The following TAFA1 variants were observed in gnomAD, a reference collection of about 807,000 sequenced individuals.
TAFA1 encodes the protein chemokine-like protein TAFA-1.
In TAFA1, 4 loss-of-function variants were observed where a neutral mutation model predicts 18.5. That is an observed-to-expected ratio of 0.22 (90% CI 0.11 to 0.49). The LOEUF is 0.49. Among genes scored for constraint, TAFA1 ranks in the 20% least tolerant of loss-of-function variants. TAFA1 has a pLI of 0.98. For synonymous variants in TAFA1, 56 were observed against 55.2 expected (o/e 1.01, Z -0.06); for missense variants, 147 against 169.0 (o/e 0.87, Z 0.72).
intron 3 of TAFA1, 48 bp from the exon 4 acceptor site, chr3:68,538,707 AG>A (rs1559711122): frequency 6.2e-7 from 1 of 1,604,126 alleles, no homozygotes; most frequent in Non-Finnish European, 8.5e-7. Context: ...GTCAGTGTTC[AG>A]GTTGTTTGGA....
intron 2 of TAFA1, among the ~76,000 whole-genome samples, chr3:68,178,001 T>C (rs1289137713): frequency 6.6e-6 from 1 of 151,912 alleles, no homozygotes; most frequent in Admixed American, 6.6e-5. Context: ...AAAATTAGCC[T>C]GGTGTGGTGG....
chr3:68,242,465 T>A (rs941658042), intron 2 of TAFA1, among the ~76,000 whole-genome samples: 8 of 152,162 alleles, frequency 5.3e-5, no homozygotes, highest in Admixed American at 2.0e-4. Context: ...AGTGTCTAAA[T>A]TAATGAGGTT....
intron 2 of TAFA1, among the ~76,000 whole-genome samples, chr3:68,120,238 T>TTTC: frequency 7.4e-6 from 1 of 134,480 alleles, no homozygotes; most frequent in East Asian, 2.1e-4. Context: ...TCTTTCTTTC[T>TTTC]TTCTTTCTTT....
chr3:68,057,503 T>C (rs150678127), intron 2 of TAFA1, among the ~76,000 whole-genome samples: 71 of 152,364 alleles, frequency 4.7e-4, no homozygotes, highest in Middle Eastern at 3.4e-3. Context: ...CCTTTCCCTT[T>C]TTATACATTA....
chr3:68,092,776 G>A (rs972364776), intron 2 of TAFA1, among the ~76,000 whole-genome samples: 6 of 152,024 alleles, frequency 3.9e-5, no homozygotes, highest in Non-Finnish European at 7.4e-5. Flanking sequence ...CTCCCCAAAT[G>A]TACCAAAATA....
chr3:68,209,464 T>C (rs1006377842), intron 2 of TAFA1, among the ~76,000 whole-genome samples: 2 of 152,056 alleles, frequency 1.3e-5, no homozygotes, highest in Non-Finnish European at 2.9e-5. Context: ...GAAAGCAACA[T>C]AGAAATGTTG....
At chr3:68,475,001 C>T (rs976500339) in intron 3 of TAFA1, among the ~76,000 whole-genome samples, 6 of 151,632 alleles carry the variant, frequency 4.0e-5, no homozygotes, top group Non-Finnish European at 5.9e-5. Context: ...TAGCTAAGAT[C>T]GTACTTCTTT....
At chr3:68,301,709 A>G in intron 2 of TAFA1, among the ~76,000 whole-genome samples, 1 of 152,214 alleles carries the variant, frequency 6.6e-6, no homozygotes, top group East Asian at 1.9e-4. Context: ...TAACTGAGTT[A>G]AAAACTAGCA....
intron 2 of TAFA1, among the ~76,000 whole-genome samples, chr3:68,358,037 C>T (rs562264694): frequency 2.0e-5 from 3 of 152,018 alleles, no homozygotes; most frequent in African/African-American, 7.2e-5. Flanking sequence ...AATGGATTAT[C>T]AGCAGATTGT....
intron 3 of TAFA1, among the ~76,000 whole-genome samples, chr3:68,468,743 T>C (rs766307994): frequency 7.2e-5 from 11 of 152,172 alleles, no homozygotes; most frequent in Non-Finnish European, 4.4e-5. Context: ...GTTGGAAATA[T>C]TGTTGAGATT....
chr3:68,104,368 A>G (rs11920538), intron 2 of TAFA1, among the ~76,000 whole-genome samples: 53,412 of 151,890 alleles, frequency 0.35, 9,823 homozygotes, highest in East Asian at 0.49. Context: ...TGGAAAATAT[A>G]TGTAAAAATT....
chr3:68,258,836 T>G (rs1238433550), intron 2 of TAFA1, among the ~76,000 whole-genome samples: 1 of 152,186 alleles, frequency 6.6e-6, no homozygotes, highest in Admixed American at 6.5e-5. Flanking sequence ...TGCTAGGGCA[T>G]GTTTTATTCT....
At chr3:68,386,779 CT>C (rs2070114257) in intron 2 of TAFA1, among the ~76,000 whole-genome samples, 1 of 152,146 alleles carries the variant, frequency 6.6e-6, no homozygotes, top group African/African-American at 2.4e-5. Flanking sequence ...ACGTGTGTAG[CT>C]GCAGCTTTGC....
chr3:68,265,985 T>C lies in TAFA1; in HGVS notation c.119-151295T>C, dbSNP rs535455493. Among the ~76,000 whole-genome samples the C allele has an allele frequency of 5.1e-4, 78 of 152,322 alleles. 1 individual carries two copies. Among genetic ancestry groups the C allele is most frequent in the African/African-American group, 1.8e-3 (73 of 41,572 alleles). ...AATGCTAATGTCTTGAGTTTCTAAA[T>C]TGAACGGCACTGTCAGATTAGGCTC... On this transcript the variant is annotated intron_variant, in intron 2 of 4. Transcript: ENST00000478136.
In TAFA1 at chr3:68,101,180, C is replaced by T. The variant is rs557708517; in HGVS notation, c.118+94436C>T. ...TCTTCCCACCCTCCATCCTCTGATA[C>T]AGACCCCTATTTTAGATATGGGAAA... On this transcript the variant is annotated intron_variant, in intron 2 of 4. Coordinates refer to ENST00000478136, the MANE Select transcript of TAFA1 (RefSeq NM_213609.4). 2.6e-3 allele frequency among the ~76,000 whole-genome samples: 398 copies of T among 152,140 alleles called. 2 individuals carry two copies. Among genetic ancestry groups the T allele is most frequent in the African/African-American group, 9.0e-3 (372 of 41,506 alleles).
At chr3:68,254,135 ATCTATCTATCTATCTATCTATC>A (rs1559579786) in intron 2 of TAFA1, among the ~76,000 whole-genome samples, 16 of 137,546 alleles carry the variant, frequency 1.2e-4, no homozygotes, top group African/African-American at 3.9e-4. Context: ...GTATGTATGT[ATCTATCTATCTATCTATCTATC>A]TGTCTATCTA....
At chr3:68,093,123 G>A (rs1053655372) in intron 2 of TAFA1, among the ~76,000 whole-genome samples, 1 of 151,990 alleles carries the variant, frequency 6.6e-6, no homozygotes, top group Non-Finnish European at 1.5e-5. Flanking sequence ...AAAAGCTTTC[G>A]TGTACTCTCA....
chr3:68,513,004 T>C (rs2106733593), intron 3 of TAFA1, among the ~76,000 whole-genome samples: 1 of 152,206 alleles, frequency 6.6e-6, no homozygotes, highest in African/African-American at 2.4e-5. Context: ...TGGAGGTCCA[T>C]GTTGTGTGTG....
chr3:68,151,127 C>T (rs1332991296), intron 2 of TAFA1, among the ~76,000 whole-genome samples: 1 of 152,066 alleles, frequency 6.6e-6, no homozygotes, highest in Non-Finnish European at 1.5e-5. Context: ...CCTCACACAG[C>T]TATCCTCTTG....
Sources: allele counts gnomAD v4.1 joint callset (sites outside exome capture counted in the v4.1 genomes callset), GRCh38; gene constraint gnomAD v4.1.1; transcripts MANE v1.5; gene names NCBI Gene and HGNC (gene_info 2026-07-23, HGNC 2026-07-21).